STAG1: variants seen among roughly 807,000 people sequenced by gnomAD.
STAG1 encodes the protein STAG1 cohesin complex component.
Under a neutral mutation model 170.9 loss-of-function variants are expected in STAG1, and 26 were observed. The ratio of observed to expected loss-of-function variants is 0.15; its 90% CI spans 0.11 to 0.21. The LOEUF is 0.21. STAG1 is among the 10% of genes least tolerant of loss of function. The pLI, the probability that STAG1 is intolerant of heterozygous loss-of-function variation, is 1.00. For synonymous variants in STAG1, 514 were observed against 497.7 expected (o/e 1.03, Z -0.44); for missense variants, 964 against 1,509.5 (o/e 0.64, Z 5.99).
At chr3:136,523,342 T>C (rs1249155633) in intron 6 of STAG1, among the ~76,000 whole-genome samples, 2 of 152,234 alleles carry the variant, frequency 1.3e-5, no homozygotes, top group Non-Finnish European at 2.9e-5. Flanking sequence ...TTTTTTCACG[T>C]GTCTGTTGGC....
chr3:136,511,661 G>A (rs1406444539), intron 7 of STAG1, among the ~76,000 whole-genome samples: 1 of 152,202 alleles, frequency 6.6e-6, no homozygotes, highest in Non-Finnish European at 1.5e-5. Flanking sequence ...TGGAAGTCTA[G>A]AGGAGGGAGA....
intron 1 of STAG1, among the ~76,000 whole-genome samples, chr3:136,747,027 C>T (rs1934966762): frequency 7.2e-6 from 1 of 139,092 alleles, no homozygotes; most frequent in South Asian, 2.2e-4. Flanking sequence ...ATCCAGGAGG[C>T]AGAGGTTGCA....
intron 19 of STAG1, 30 bp from the exon 20 acceptor site, chr3:136,421,193 C>G: frequency 6.8e-7 from 1 of 1,472,536 alleles, no homozygotes; most frequent in Non-Finnish European, 9.4e-7. Context: ...CACATCATTA[C>G]AACTTTACTC....
intron 3 of STAG1, among the ~76,000 whole-genome samples, chr3:136,608,726 C>G (rs1939091503): frequency 6.8e-6 from 1 of 147,380 alleles, no homozygotes; most frequent in South Asian, 2.2e-4. Context: ...ATCGAATGAG[C>G]CGGGGAGGTG....
At chr3:136,392,324 T>C (rs1344102114) in intron 22 of STAG1, among the ~76,000 whole-genome samples, 2 of 152,188 alleles carry the variant, frequency 1.3e-5, no homozygotes, top group Admixed American at 1.3e-4. Flanking sequence ...ACGGTATAGC[T>C]ACACAATAGA....
intron 4 of STAG1, among the ~76,000 whole-genome samples, chr3:136,601,665 C>G (rs758308079): frequency 7.9e-5 from 12 of 151,606 alleles, no homozygotes; most frequent in Non-Finnish European, 1.8e-4. Flanking sequence ...AAATACAAAA[C>G]AAACAAACAA....
chr3:136,347,900 A>G (rs568987060), intron 29 of STAG1, among the ~76,000 whole-genome samples: 1 of 152,350 alleles, frequency 6.6e-6, no homozygotes, highest in South Asian at 2.1e-4. Context: ...GTTAAGTAAT[A>G]TGCTCAAAGG....
At chr3:136,464,531 T>C (rs1411198178) in intron 13 of STAG1, among the ~76,000 whole-genome samples, 3 of 152,084 alleles carry the variant, frequency 2.0e-5, no homozygotes, top group Non-Finnish European at 4.4e-5. Flanking sequence ...AGATTACAAA[T>C]GTTAAGAAAG....
chr3:136,437,518 A>T (rs1296279645), intron 15 of STAG1, among the ~76,000 whole-genome samples: 1 of 152,194 alleles, frequency 6.6e-6, no homozygotes, highest in African/African-American at 2.4e-5. Context: ...GTTTCTACAC[A>T]GCATCTCCAT....
intron 7 of STAG1, among the ~76,000 whole-genome samples, chr3:136,513,197 A>G (rs1367332586): frequency 2.6e-5 from 4 of 152,062 alleles, no homozygotes; most frequent in Non-Finnish European, 4.4e-5. Context: ...TCTACTAAAA[A>G]TGCAAAAATT....
chr3:136,494,642 C>T (rs116405117), intron 9 of STAG1, among the ~76,000 whole-genome samples: 1 of 152,044 alleles, frequency 6.6e-6, no homozygotes, highest in Non-Finnish European at 1.5e-5. Flanking sequence ...AATCAATGAA[C>T]ACAATACACT....
chr3:136,514,989 A>G (rs1399270351), intron 7 of STAG1, among the ~76,000 whole-genome samples: 1 of 152,118 alleles, frequency 6.6e-6, no homozygotes, highest in Non-Finnish European at 1.5e-5. Context: ...GCAGCAAACC[A>G]ACATGGCACA....
At chr3:136,736,621 A>T (rs1031648857) in intron 1 of STAG1, 4 of 1,600,000 alleles carry the variant, frequency 2.5e-6, no homozygotes, top group Non-Finnish European at 3.4e-6. Context: ...CTTTCCTCAA[A>T]GTTTTTCTGC....
intron 29 of STAG1, among the ~76,000 whole-genome samples, chr3:136,345,549 A>G (rs981778651): frequency 6.7e-6 from 1 of 148,756 alleles, no homozygotes; most frequent in Non-Finnish European, 1.5e-5. Context: ...CCCATCTCCC[A>G]AAGTGCAGAA....
At chr3:136,347,447 A>G (rs892532350) in intron 29 of STAG1, among the ~76,000 whole-genome samples, 28 of 151,702 alleles carry the variant, frequency 1.8e-4, no homozygotes, top group African/African-American at 5.1e-4. Flanking sequence ...TCTTTAGAGA[A>G]AAGTCCAGGA....
At position 136,389,293 on chromosome 3, in the gene STAG1, G is replaced by A. The variant is rs192295519; in HGVS notation, c.2277+9456C>T. On this transcript the variant is annotated intron_variant, in intron 22 of 33. Coordinates refer to ENST00000383202, the MANE Select transcript of STAG1 (RefSeq NM_005862.3). ...GCTAGTGAGGCTGAGAAGGCCTTAT[G>A]CTTTATTTACTTATTTGCTTATTTA... 8.7e-4 allele frequency among the ~76,000 whole-genome samples: 132 copies of A among 152,176 alleles called. 1 individual carries two copies. In the East Asian group the frequency reaches 0.024, roughly 28 times the overall value.
chr3:136,623,163 G>T lies in STAG1; in HGVS notation c.115C>A (p.Arg39Ser). The stretch of plus-strand genomic sequence containing the variant: ...ATACATACTGGAGGCCGGCCAGGAC[G>T]ACCCCTTTTTCTTTTTCCTTTGACC... ...TEVKGKRKRG[R>S]PGRPPSTNKK... The change falls in exon 3 of 34, where the codon CGT becomes AGT. Residue 39 changes from arginine (R) to serine (S), a missense_variant. Physicochemically the swap from Arg to Ser is moderately radical, Grantham distance 110 (BLOSUM62 -1). Around this residue, in one of 11 missense-constraint regions of STAG1, gnomAD observed 108 missense variants for 120.2 expected, o/e 0.90. Coordinates refer to ENST00000383202, the MANE Select transcript of STAG1 (RefSeq NM_005862.3). 1 of 1,613,414 alleles carries T rather than the reference G, an allele frequency of 6.2e-7. No homozygotes were observed. Among genetic ancestry groups the T allele is most frequent in the South Asian group, 1.1e-5 (1 of 91,026 alleles).
chr3:136,479,245 C>T (rs1326060074), intron 9 of STAG1, among the ~76,000 whole-genome samples: 1 of 122,236 alleles, frequency 8.2e-6, no homozygotes, highest in African/African-American at 3.0e-5. Context: ...ACCCCACCAC[C>T]GTCCCCAGAG....
chr3:136,521,747 A>G (rs895633427), intron 6 of STAG1, among the ~76,000 whole-genome samples: 75 of 152,326 alleles, frequency 4.9e-4, no homozygotes, highest in Non-Finnish European at 3.2e-4. Flanking sequence ...TTTAAAGTTT[A>G]GACTAGAAAG....
Sources: gnomAD v4.1 joint callset for allele counts (sites outside exome capture counted in the v4.1 genomes callset) on GRCh38, gnomAD v4.1.1 for gene constraint, gnomAD v4.1.1 regional missense constraint, MANE v1.5 for transcripts, NCBI Gene and HGNC (gene_info 2026-07-23, HGNC 2026-07-21) for gene names.